Variants in DCBLD2 observed in about 807,000 individuals in gnomAD.
DCBLD2 encodes discoidin, CUB and LCCL domain containing 2.
A neutral mutation model predicts 86.8 loss-of-function variants in DCBLD2; 54 were observed. The ratio of observed to expected loss-of-function variants is 0.62; its 90% CI spans 0.50 to 0.78. The LOEUF is 0.78. DCBLD2 is among the 30% of genes least tolerant of loss of function. DCBLD2 has a pLI of 0.00. For missense variants in DCBLD2, 908 were observed against 954.2 expected, an observed-to-expected ratio of 0.95 and a Z score of 0.64; for synonymous variants, 354 against 341.3, an observed-to-expected ratio of 1.04 and a Z score of -0.41.
intron 2 of DCBLD2, among the ~76,000 whole-genome samples, chr3:98,868,642 C>G (rs972087883): frequency 6.6e-6 from 1 of 152,086 alleles, no homozygotes; most frequent in Admixed American, 6.6e-5. Flanking sequence ...ATGTCCATTA[C>G]AGCATTCTGT....
intron 2 of DCBLD2, among the ~76,000 whole-genome samples, chr3:98,854,949 A>T (rs1311855782): frequency 6.6e-6 from 1 of 152,192 alleles, no homozygotes; most frequent in African/African-American, 2.4e-5. Context: ...CTGGGCAAAA[A>T]TTTCTTAAAC....
Position 98,858,446 on chromosome 3 carries a change from C to T in DCBLD2, c.434-8848G>A, listed in dbSNP as rs113418453. On this transcript the variant is annotated intron_variant, in intron 2 of 15. Transcript: ENST00000326840. ...GCCCAGGCAGAGGAGGTGCCGAGAG[C>T]GAGCGAGGCCTGCGAGGGCTGCCAG... Among the ~76,000 whole-genome samples the T allele has an allele frequency of 1.3e-3, 204 of 152,334 alleles. 1 individual carries two copies. In the East Asian group the frequency reaches 0.016, roughly 12 times the overall value.
At chr3:98,900,925 TA>T in intron 1 of DCBLD2, 196 bp downstream of exon 1, 1 of 971,982 alleles carries the variant, frequency 1.0e-6, no homozygotes, top group Non-Finnish European at 1.5e-6. Context: ...TGCCAAAAAG[TA>T]AAGCCGCGCC....
intron 3 of DCBLD2, among the ~76,000 whole-genome samples, chr3:98,829,921 T>G (rs559617798): frequency 6.6e-6 from 1 of 152,198 alleles, no homozygotes; most frequent in Non-Finnish European, 1.5e-5. Flanking sequence ...TTTTACTTTT[T>G]AATAATAGCC....
At chr3:98,804,093 A>G (rs987400819) in intron 13 of DCBLD2, among the ~76,000 whole-genome samples, 1 of 152,040 alleles carries the variant, frequency 6.6e-6, no homozygotes. Context: ...CTCTTTTTCT[A>G]TTGATTGGAA....
chr3:98,860,012 T>G lies in DCBLD2; in HGVS notation c.434-10414A>C, dbSNP rs551225097. On this transcript the variant is annotated intron_variant, in intron 2 of 15. Transcript: ENST00000326840. Reference sequence around the variant, plus strand: ...ACGAATGGCTAACTAGAATAACCAGTGTAGAGAAGTCCTTAAATGACCTGA... The same window carrying G: ...ACGAATGGCTAACTAGAATAACCAGGGTAGAGAAGTCCTTAAATGACCTGA... 4.6e-5 allele frequency among the ~76,000 whole-genome samples: 7 copies of G among 152,202 alleles called. No individual in the cohort carries two copies. The East Asian group carries it at 1.4e-3, about 29-fold the overall frequency.
intron 2 of DCBLD2, among the ~76,000 whole-genome samples, chr3:98,879,722 A>G (rs573400286): frequency 1.3e-5 from 2 of 152,322 alleles, no homozygotes; most frequent in South Asian, 4.1e-4. Context: ...TTTTAGGAAG[A>G]TATGTCACAA....
intron 2 of DCBLD2, among the ~76,000 whole-genome samples, chr3:98,870,735 G>GAAAAAGAAAGAAAGAAAGAAAGAAAA (rs1943250826): frequency 1.7e-5 from 1 of 60,186 alleles, no homozygotes; most frequent in African/African-American, 6.9e-5. Flanking sequence ...AGAAAAGAAA[G>GAAAAAGAAAGAAAGAAAGAAAGAAAA]AAAAAGAAAG....
intron 2 of DCBLD2, among the ~76,000 whole-genome samples, chr3:98,855,387 C>G (rs1036048447): frequency 3.3e-5 from 5 of 152,088 alleles, no homozygotes; most frequent in Admixed American, 2.0e-4. Flanking sequence ...AATAGTACAG[C>G]CACAAAAACA....
At position 98,822,380 on chromosome 3, in the gene DCBLD2, A is replaced by C. The variant is rs1427242570; in HGVS notation, c.697-19T>G. ...GCGAGGACTTAAGGAAGGGAAAAGA[A>C]AAGATTCATTTTTAATTTTCTCTTA... is the stretch of plus-strand genomic sequence containing the variant. On this transcript the variant is annotated intron_variant, in intron 5 of 15. Coordinates refer to ENST00000326840, the MANE Select transcript of DCBLD2 (RefSeq NM_080927.4). The C allele has an allele frequency of 6.2e-7, 1 of 1,601,546 alleles. No individual in the cohort carries two copies. The highest frequency in any genetic ancestry group is 1.3e-5 in the African/African-American group (1 of 74,362).
chr3:98,853,004 C>A (rs772867302), intron 2 of DCBLD2, among the ~76,000 whole-genome samples: 1 of 152,140 alleles, frequency 6.6e-6, no homozygotes, highest in Non-Finnish European at 1.5e-5. Flanking sequence ...GACTTCAGAT[C>A]CATGGGAAGT....
intron 1 of DCBLD2, among the ~76,000 whole-genome samples, chr3:98,898,275 G>A (rs1469700640): frequency 6.6e-6 from 1 of 151,536 alleles, no homozygotes. Context: ...ATTGTGAACA[G>A]AAAATCTATT....
intron 2 of DCBLD2, among the ~76,000 whole-genome samples, chr3:98,874,429 G>A (rs1943333190): frequency 1.3e-5 from 2 of 151,994 alleles, no homozygotes; most frequent in African/African-American, 4.8e-5. Flanking sequence ...TCAATATTAG[G>A]GAACCCATTA....
In DCBLD2 at chr3:98,839,960, G is replaced by GC. The variant is rs200697455; in HGVS notation, c.571+9500_571+9501insG. Reference sequence around the variant, plus strand: ...TGTTAGGTATTTGAATCTGAGAACAGGCAGCGGGAATCAAAGGCCCTGTTA... The same window carrying GC: ...TGTTAGGTATTTGAATCTGAGAACAGCGCAGCGGGAATCAAAGGCCCTGTTA... On this transcript the variant is annotated intron_variant, in intron 3 of 15. Transcript: ENST00000326840. 6.3e-3 allele frequency among the ~76,000 whole-genome samples: 955 copies of GC among 152,268 alleles called. 51 individuals are homozygous for GC. The East Asian group carries it at 0.16, about 25-fold the overall frequency.
At chr3:98,862,954 T>C (rs1240664115) in intron 2 of DCBLD2, among the ~76,000 whole-genome samples, 1 of 152,214 alleles carries the variant, frequency 6.6e-6, no homozygotes, top group Non-Finnish European at 1.5e-5. Context: ...GATGACATGA[T>C]TGTATATTTA....
intron 9 of DCBLD2, 77 bp downstream of exon 9, chr3:98,817,692 T>C (rs1942047776): frequency 6.9e-7 from 1 of 1,443,392 alleles, no homozygotes; most frequent in Admixed American, 1.8e-5. Context: ...ACATCTCTTT[T>C]ATACAGGAGA....
chr3:98,823,375 T>C (rs2107450095), intron 4 of DCBLD2, among the ~76,000 whole-genome samples: 1 of 152,352 alleles, frequency 6.6e-6, no homozygotes, highest in South Asian at 2.1e-4. Flanking sequence ...ATTCTGTGGA[T>C]ATGCCATAAT....
rs1230232394 is a variant in DCBLD2, at chr3:98,836,682, C to T, written c.572-11316G>A. On this transcript the variant is annotated intron_variant, in intron 3 of 15. Coordinates refer to ENST00000326840, the MANE Select transcript of DCBLD2 (RefSeq NM_080927.4). Reference sequence around the variant, plus strand: ...CCCAGTAGGGGCGGCCGGGCAGAGGCGCCCATCACCTCCCGGACGGGGCGG... The same window carrying T: ...CCCAGTAGGGGCGGCCGGGCAGAGGTGCCCATCACCTCCCGGACGGGGCGG... Among the ~76,000 whole-genome samples, 23 of 105,860 alleles carry T rather than the reference C, an allele frequency of 2.2e-4. 3 individuals carry two copies. Among genetic ancestry groups the T allele is most frequent in the East Asian group, 9.3e-4 (4 of 4,310 alleles). 69.4% of individuals were successfully genotyped at this position (105,860 alleles called of 152,430 possible). A position where few individuals can be genotyped will look rare whatever the true frequency, so the allele number is the denominator to read the frequency against.
intron 2 of DCBLD2, among the ~76,000 whole-genome samples, chr3:98,867,800 GTTTT>G (rs1312217767): frequency 6.7e-6 from 1 of 149,030 alleles, no homozygotes; most frequent in Non-Finnish European, 1.5e-5. Flanking sequence ...TGTTTTTGTT[GTTTT>G]TTGTTTTTTT....
Sources: gnomAD v4.1 joint callset for allele counts (sites outside exome capture counted in the v4.1 genomes callset) on GRCh38, gnomAD v4.1.1 for gene constraint, MANE v1.5 for transcripts, NCBI Gene and HGNC (gene_info 2026-07-23, HGNC 2026-07-21) for gene names.